The following FEM1C variants were observed in gnomAD, a reference collection of about 807,000 sequenced individuals.
The protein encoded by FEM1C is fem-1 homolog C.
Under a neutral mutation model 37.6 loss-of-function variants are expected in FEM1C, and 15 were observed. The ratio of observed to expected loss-of-function variants is 0.40; its 90% CI spans 0.27 to 0.61. FEM1C has a LOEUF of 0.61. FEM1C is among the 20% of genes least tolerant of loss of function. The pLI is 0.42. For missense variants in FEM1C, 532 were observed against 749.7 expected (o/e 0.71, Z 3.39); for synonymous variants, 287 against 272.8 (o/e 1.05, Z -0.51).
At position 115,542,197 on chromosome 5, in the gene FEM1C, A is replaced by C. The variant is rs7730778; in HGVS notation, c.544+753T>G. ...TACTTTTTGCTGCTTTTAGTTTATT[A>C]CAATCAACAAAAATTATACACAATC... On this transcript the variant is annotated intron_variant, in intron 2 of 2. Transcript: ENST00000274457. Among the ~76,000 whole-genome samples the C allele has an allele frequency of 7.6e-3, 1,156 of 152,324 alleles. 16 individuals carry two copies. Among genetic ancestry groups the C allele is most frequent in the African/African-American group, 0.026 (1,093 of 41,568 alleles).
rs1000207561 is a variant in FEM1C at position 115,521,124 on chromosome 5, A to G, written c.*3184T>C. The stretch of plus-strand genomic sequence containing the variant: ...GAAAAAAAGAAAATGATGATGACCA[A>G]TTAGTTTGTTTCCTTAGTATCTAAC... On this transcript the variant is annotated 3_prime_UTR_variant, in exon 3 of 3. Transcript: ENST00000274457. 2.0e-5 allele frequency: 3 copies of G among 151,624 alleles called. No individual in the cohort carries two copies. Among genetic ancestry groups the G allele is most frequent in the Non-Finnish European group, 3.0e-5 (2 of 67,680 alleles). 9.4% of individuals were successfully genotyped at this position (151,624 alleles called of 1,614,324 possible).
intron 1 of FEM1C, 106 bp from the exon 2 acceptor site, chr5:115,543,789 C>G: frequency 8.6e-7 from 1 of 1,163,612 alleles, no homozygotes. Flanking sequence ...AGCTATACTT[C>G]AGGCACTACT....
rs149785479 is a variant in FEM1C at position 115,527,595 on chromosome 5, AC to A, written c.545-1979del. 4.9e-3 allele frequency among the ~76,000 whole-genome samples: 751 copies of A among 152,296 alleles called. 5 individuals are homozygous for A. The highest frequency in any genetic ancestry group is 0.017 in the African/African-American group (706 of 41,576). On this transcript the variant is annotated intron_variant, in intron 2 of 2. Coordinates refer to ENST00000274457, the MANE Select transcript of FEM1C (RefSeq NM_020177.3). ...ACACTCTTTTGTATTAAGGACCTCT[AC>A]TATTCCCCATGTTTTTCTAAGAAAT... is the stretch of plus-strand genomic sequence containing the variant.
intron 2 of FEM1C, among the ~76,000 whole-genome samples, chr5:115,535,077 G>A (rs1371874157): frequency 1.3e-5 from 2 of 151,612 alleles, no homozygotes; most frequent in Non-Finnish European, 3.0e-5. Context: ...AAGCAGGAAG[G>A]GGTTGTGTTT....
intron 2 of FEM1C, among the ~76,000 whole-genome samples, chr5:115,541,336 G>GA (rs535042358): frequency 9.3e-5 from 14 of 150,872 alleles, no homozygotes; most frequent in East Asian, 3.9e-4. Context: ...ACTTCCTCTG[G>GA]AAAAAAAAAT....
At position 115,521,804 on chromosome 5, in the gene FEM1C, A is replaced by G. The variant is rs1753781844; in HGVS notation, c.*2504T>C. ...CTCATAATTGTGAGAATACTTTCTGACAAAGGCTTTATCAGTGTCACATTT... is the reference window on the plus strand; with the variant it reads ...CTCATAATTGTGAGAATACTTTCTGGCAAAGGCTTTATCAGTGTCACATTT... On this transcript the variant is annotated 3_prime_UTR_variant, in exon 3 of 3. Transcript: ENST00000274457. 1 of 151,862 alleles carries G rather than the reference A, an allele frequency of 6.6e-6. No individual in the cohort carries two copies. The highest frequency in any genetic ancestry group is 1.5e-5 in the Non-Finnish European group (1 of 67,834). 9.4% of individuals were successfully genotyped at this position (151,862 alleles called of 1,614,324 possible). A position where few individuals can be genotyped will look rare whatever the true frequency, so the allele number is the denominator to read the frequency against.
chr5:115,534,918 G>C (rs916749723), intron 2 of FEM1C, among the ~76,000 whole-genome samples: 1 of 151,816 alleles, frequency 6.6e-6, no homozygotes, highest in African/African-American at 2.4e-5. Context: ...TTGCTATATA[G>C]ATACTTGCCA....
In FEM1C at chr5:115,543,447, A is replaced by G. The variant is rs1188610816; in HGVS notation, c.47T>C (p.Leu16Pro). 6.2e-7 allele frequency: 1 copy of G among 1,613,842 alleles called. No homozygotes were observed. The highest frequency in any genetic ancestry group is 8.5e-7 in the Non-Finnish European group (1 of 1,179,978). ...AVFNAARDGK[L>P]RLLTKLLASK... ...TGCCAACAATTTGGTGAGAAGCCGGAGTTTGCCATCCCGAGCTGCGTTAAA... is the reference window on the plus strand; with the variant it reads ...TGCCAACAATTTGGTGAGAAGCCGGGGTTTGCCATCCCGAGCTGCGTTAAA... The change falls in exon 2 of 3, where the codon CTC (leucine) becomes CCC (proline). Residue 16 changes from leucine (L) to proline (P), a missense_variant. Transcript: ENST00000274457.
Position 115,543,560 on chromosome 5 carries a change from A to G in FEM1C, c.-67T>C. ...GCAGAGCTCCAGTTTAACTCTATCG[A>G]CACAGGCAAGAGTCACAGGAACCAA... On this transcript the variant is annotated 5_prime_UTR_variant, in exon 2 of 3. Transcript: ENST00000274457. 6.6e-7 allele frequency: 1 copy of G among 1,522,296 alleles called. No individual in the cohort carries two copies. Among genetic ancestry groups the G allele is most frequent in the East Asian group, 2.2e-5 (1 of 44,448 alleles). 94.3% of individuals were successfully genotyped at this position (1,522,296 alleles called of 1,614,324 possible). A position where few individuals can be genotyped will look rare whatever the true frequency, so the allele number is the denominator to read the frequency against.
rs915581142 is a variant in FEM1C, at chr5:115,523,959, T to G, written c.*349A>C. ...AGCAAGAAAAAAAGACTTTCAATTG[T>G]ATAAAATTCACAAACCAGTAAAGTA... On this transcript the variant is annotated 3_prime_UTR_variant, in exon 3 of 3. Coordinates refer to ENST00000274457, the MANE Select transcript of FEM1C (RefSeq NM_020177.3). 4 of 193,346 alleles carry G rather than the reference T, an allele frequency of 2.1e-5. No homozygotes were observed. The highest frequency in any genetic ancestry group is 4.2e-5 in the Non-Finnish European group (4 of 94,148). 12.0% of individuals were successfully genotyped at this position (193,346 alleles called of 1,614,324 possible).
chr5:115,527,629 A>T (rs534038684), intron 2 of FEM1C, among the ~76,000 whole-genome samples: 1 of 152,322 alleles, frequency 6.6e-6, no homozygotes, highest in African/African-American at 2.4e-5. Context: ...AATAGGCAAT[A>T]TAAGAGAAAT....
At chr5:115,536,686 A>C (rs1299792440) in intron 2 of FEM1C, among the ~76,000 whole-genome samples, 2 of 151,716 alleles carry the variant, frequency 1.3e-5, no homozygotes, top group Non-Finnish European at 2.9e-5. Flanking sequence ...ACAGAAGTTC[A>C]AAAAAAAGGA....
rs755817799 is a variant in FEM1C at position 115,524,757 on chromosome 5, T to C, written c.1405A>G (p.Ile469Val). ...LEQDHFKKQT[I>V]YRFLKLHPRG... The stretch of plus-strand genomic sequence containing the variant: ...GGATGCAGCTTAAGAAACCTGTATA[T>C]AGTCTGCTTTTTGAAATGGTCTTGT... The change falls in exon 3 of 3, where the codon ATA becomes GTA. Residue 469 changes from isoleucine to valine, a missense_variant. Physicochemically the swap from Ile to Val is conservative, Grantham distance 29. Coordinates refer to ENST00000274457, the MANE Select transcript of FEM1C (RefSeq NM_020177.3). The C allele has an allele frequency of 6.9e-5, 107 of 1,559,462 alleles. No homozygotes were observed. Among genetic ancestry groups the C allele is most frequent in the Non-Finnish European group, 9.0e-5 (104 of 1,156,912 alleles).
At position 115,525,561 on chromosome 5, in the gene FEM1C, G is replaced by T. The variant is rs1398432992; in HGVS notation, c.601C>A (p.Leu201Ile). 1.9e-6 allele frequency: 3 copies of T among 1,613,458 alleles called. No individual in the cohort carries two copies. The highest frequency in any genetic ancestry group is 2.5e-6 in the Non-Finnish European group (3 of 1,179,718). ...ESGSLDIMKM[L>I]LMYCAKMEKD... ...TCCATCTTGGCACAATACATAAGAA[G>T]CATCTTCATGATGTCCAAACTTCCA... Residue 201 changes from leucine to isoleucine, a missense_variant, in exon 3 of 3, where the codon CTT (leucine) becomes ATT (isoleucine). By Grantham distance (5) the Leu-to-Ile change is conservative (BLOSUM62 2). Transcript: ENST00000274457.
intron 2 of FEM1C, among the ~76,000 whole-genome samples, chr5:115,541,420 C>A (rs564644205): frequency 1.4e-4 from 21 of 152,186 alleles, no homozygotes; most frequent in African/African-American, 5.1e-4. Flanking sequence ...AAAGATCACA[C>A]AATCTACAGC....
Position 115,521,158 on chromosome 5 carries a change from G to A in FEM1C, c.*3150C>T, listed in dbSNP as rs1397903053. 6.6e-6 allele frequency: 1 copy of A among 151,424 alleles called. No homozygotes were observed. The highest frequency in any genetic ancestry group is 2.4e-5 in the African/African-American group (1 of 41,306). The allele number at this position is 151,424 out of a possible 1,614,324, so 9.4% of individuals were successfully genotyped here. On this transcript the variant is annotated 3_prime_UTR_variant, in exon 3 of 3. Transcript: ENST00000274457. ...TTTCCTTAGTATCTAACTCTAAAAT[G>A]GTTAAAGTTCTAGGCAATAATGCTG... is the stretch of plus-strand genomic sequence containing the variant.
intron 2 of FEM1C, among the ~76,000 whole-genome samples, chr5:115,536,897 A>C (rs2127173362): frequency 6.6e-6 from 1 of 152,128 alleles, no homozygotes; most frequent in South Asian, 2.1e-4. Context: ...GGAGATGAAG[A>C]ATTGCATTTG....
At chr5:115,538,249 C>A (rs1221488792) in intron 2 of FEM1C, among the ~76,000 whole-genome samples, 2 of 151,866 alleles carry the variant, frequency 1.3e-5, no homozygotes, top group Non-Finnish European at 2.9e-5. Flanking sequence ...TCTCTCAAAC[C>A]CTTTTAATGC....
rs184520516 is a variant in FEM1C, at chr5:115,531,101, G to T, written c.545-5484C>A. On this transcript the variant is annotated intron_variant, in intron 2 of 2. Coordinates refer to ENST00000274457, the MANE Select transcript of FEM1C (RefSeq NM_020177.3). ...TCATTCTACATACAAATAGAAAAGA[G>T]AATTTAGTGGGAAAACATAAACTCC... 2.0e-3 allele frequency among the ~76,000 whole-genome samples: 302 copies of T among 152,150 alleles called. 2 individuals carry two copies. Among genetic ancestry groups the T allele is most frequent in the African/African-American group, 7.0e-3 (291 of 41,520 alleles).
Sources: gnomAD v4.1 joint callset for allele counts (sites outside exome capture counted in the v4.1 genomes callset) on GRCh38, gnomAD v4.1.1 for gene constraint, MANE v1.5 for transcripts, NCBI Gene and HGNC (gene_info 2026-07-23, HGNC 2026-07-21) for gene names.